FAM13B: variants seen among roughly 807,000 people sequenced by gnomAD.
The protein encoded by FAM13B is family with sequence similarity 13 member B.
A neutral mutation model predicts 117.3 loss-of-function variants in FAM13B; 60 were observed. That is an observed-to-expected ratio of 0.51 (90% CI 0.42 to 0.63). The LOEUF (loss-of-function observed/expected upper bound fraction) is 0.63, where lower values mean the gene tolerates loss of function less well. Ranked by LOEUF, FAM13B falls within the 30% of genes least tolerant of loss-of-function variation. The pLI is 0.00. For synonymous variants in FAM13B, 332 were observed against 356.1 expected (o/e 0.93, Z 0.76); for missense variants, 972 against 1,091.9 (o/e 0.89, Z 1.55).
intron 10 of FAM13B, among the ~76,000 whole-genome samples, chr5:137,968,455 A>G (rs967282631): frequency 1.3e-5 from 2 of 151,896 alleles, no homozygotes; most frequent in Admixed American, 6.6e-5. Flanking sequence ...AAAAAAAAAA[A>G]AAATTCTTAA....
chr5:138,036,318 C>G (rs1000699520), upstream of FAM13B: 1 of 446,150 alleles, frequency 2.2e-6, no homozygotes, highest in Non-Finnish European at 4.5e-6. Context: ...CTAGTGACAG[C>G]TCTGTATGGC....
intron 15 of FAM13B, 42 bp downstream of exon 15, chr5:137,954,124 A>G (rs1765770499): frequency 6.3e-6 from 9 of 1,438,158 alleles, no homozygotes; most frequent in East Asian, 4.6e-5. Flanking sequence ...ACTTGGGTAC[A>G]TAATAGGAAT....
chr5:137,986,997 CA>C (rs1191521133), intron 9 of FAM13B, among the ~76,000 whole-genome samples: 2 of 152,094 alleles, frequency 1.3e-5, no homozygotes, highest in Admixed American at 6.6e-5. Context: ...AAAACATAAG[CA>C]GGGGAGAGGC....
At chr5:137,962,533 A>C in intron 10 of FAM13B, 64 bp from the exon 11 acceptor site, 1 of 1,451,354 alleles carries the variant, frequency 6.9e-7, no homozygotes, top group South Asian at 1.2e-5. Context: ...AGAAGTTGCC[A>C]ATCTAAATTA....
intron 7 of FAM13B, among the ~76,000 whole-genome samples, chr5:137,992,309 AAAG>A (rs1778803644): frequency 6.6e-6 from 1 of 151,552 alleles, no homozygotes; most frequent in South Asian, 2.1e-4. Context: ...GAAAAAAAAA[AAAG>A]GCCAGGTGCA....
Position 137,956,534 on chromosome 5 carries a change from G to A in FAM13B, c.1450C>T (p.Pro484Ser). 3 of 1,593,096 alleles carry A rather than the reference G, an allele frequency of 1.9e-6. No homozygotes were observed. Among genetic ancestry groups the A allele is most frequent in the South Asian group, 1.1e-5 (1 of 86,994 alleles). Reference protein sequence around the residue: ...SDGDKWEASCPITFPLIDFKT... With the variant: ...SDGDKWEASCSITFPLIDFKT... ...AAATCAATGAGGGGAAAAGTGATAGGGCATGACGCTAATAAAATGGAAAAA... is the reference window on the plus strand; with the variant it reads ...AAATCAATGAGGGGAAAAGTGATAGAGCATGACGCTAATAAAATGGAAAAA... The change falls in exon 14 of 24, where the codon CCT becomes TCT. Residue 484 changes from proline (P) to serine (S), a missense_variant. Physicochemically the swap from Pro to Ser is moderately conservative, Grantham distance 74. Coordinates refer to ENST00000689681, the MANE Select transcript of FAM13B (RefSeq NM_001385994.1).
rs1288339874 is a variant in FAM13B at position 137,943,296 on chromosome 5, G to A, written c.2341-80C>T. ...GTGAAGCTTCCCTTCATTATGTTAC[G>A]AATCTTCAACTTTATTTTCAAAATC... On this transcript the variant is annotated intron_variant, in intron 20 of 23. Transcript: ENST00000689681. 7.3e-6 allele frequency: 8 copies of A among 1,089,972 alleles called. No individual in the cohort carries two copies. In the East Asian group the frequency reaches 7.3e-5, roughly 10 times the overall value. 67.5% of individuals were successfully genotyped at this position (1,089,972 alleles called of 1,614,324 possible). A position where few individuals can be genotyped will look rare whatever the true frequency, so the allele number is the denominator to read the frequency against.
intron 10 of FAM13B, among the ~76,000 whole-genome samples, chr5:137,971,775 G>C (rs1196619994): frequency 6.7e-6 from 1 of 148,620 alleles, no homozygotes; most frequent in Admixed American, 6.7e-5. Context: ...AATGATAAAG[G>C]GGATATCACC....
intron 10 of FAM13B, among the ~76,000 whole-genome samples, chr5:137,977,360 T>A (rs1484696814): frequency 6.6e-6 from 1 of 152,162 alleles, no homozygotes; most frequent in Admixed American, 6.5e-5. Flanking sequence ...CTTGTGATAT[T>A]CTATTACCTT....
Position 137,949,005 on chromosome 5 carries a change from T to C in FAM13B, c.2110A>G (p.Lys704Glu), listed in dbSNP as rs1764183763. 6.2e-7 allele frequency: 1 copy of C among 1,614,012 alleles called. No homozygotes were observed. The highest frequency in any genetic ancestry group is 8.5e-7 in the Non-Finnish European group (1 of 1,180,020). The change falls in exon 18 of 24, where the codon AAA (lysine) becomes GAA (glutamate). Residue 704 changes from lysine to glutamate, a missense_variant. Lys to Glu is a moderately conservative substitution (Grantham distance 56). Transcript: ENST00000689681. The stretch of plus-strand genomic sequence containing the variant: ...TCAATACGTTTTTCTTTCAGTCTTT[T>C]AAGAATAAGTTCAAGGGTTGCTTCT... Reference protein sequence around the residue: ...SKEATLELILKRLKEKRIERC... With the variant: ...SKEATLELILERLKEKRIERC...
chr5:137,981,576 A>G (rs1340668023), intron 10 of FAM13B, among the ~76,000 whole-genome samples: 2 of 152,206 alleles, frequency 1.3e-5, no homozygotes, highest in Non-Finnish European at 2.9e-5. Context: ...ACTTGAGGTC[A>G]GGAGTTTGAG....
At chr5:137,984,634 CT>C (rs5871659) in intron 10 of FAM13B, among the ~76,000 whole-genome samples, 110,003 of 151,972 alleles carry the variant, frequency 0.72, 40,765 homozygotes, top group East Asian at 0.97. Context: ...ATGTTCTCCC[CT>C]ATACCATGTT....
At chr5:138,003,884 C>T (rs1050185281) in intron 7 of FAM13B, among the ~76,000 whole-genome samples, 3 of 152,164 alleles carry the variant, frequency 2.0e-5, no homozygotes, top group Non-Finnish European at 4.4e-5. Context: ...CTTTGCATTT[C>T]GATTTGACTG....
intron 8 of FAM13B, 150 bp downstream of exon 8, chr5:137,988,124 A>T: frequency 2.1e-6 from 1 of 474,062 alleles, no homozygotes; most frequent in Non-Finnish European, 3.7e-6. Context: ...TTTCTTCTTC[A>T]TTTGTTCCTA....
chr5:137,964,504 T>C (rs933012050), intron 10 of FAM13B, among the ~76,000 whole-genome samples: 1 of 151,090 alleles, frequency 6.6e-6, no homozygotes, highest in Admixed American at 6.6e-5. Context: ...GCAAATCACT[T>C]GAGATCAGGA....
At chr5:137,996,255 C>G (rs552513863) in intron 7 of FAM13B, among the ~76,000 whole-genome samples, 1 of 152,298 alleles carries the variant, frequency 6.6e-6, no homozygotes, top group East Asian at 1.9e-4. Flanking sequence ...CCTGCCTCAG[C>G]CTCCCGAACA....
chr5:137,997,054 C>T (rs1411919681), intron 7 of FAM13B, among the ~76,000 whole-genome samples: 1 of 152,114 alleles, frequency 6.6e-6, no homozygotes, highest in African/African-American at 2.4e-5. Context: ...TTTCCCAATA[C>T]AACACAGGAA....
chr5:137,961,196 A>C (rs1440756659), intron 11 of FAM13B, among the ~76,000 whole-genome samples: 2 of 152,180 alleles, frequency 1.3e-5, no homozygotes, highest in Non-Finnish European at 2.9e-5. Flanking sequence ...CCTACATTTG[A>C]GAAGCATGAA....
At position 137,940,001 on chromosome 5, in the gene FAM13B, G is replaced by A. The variant is rs1761161828; in HGVS notation, c.*224C>T. ...GAAGTAAACCATATGTTTGCTAAAG[G>A]TGGAGAGGACAGTCTGTGGTTAATA... is the stretch of plus-strand genomic sequence containing the variant. On this transcript the variant is annotated 3_prime_UTR_variant, in exon 24 of 24. Transcript: ENST00000689681. 6.3e-7 allele frequency: 1 copy of A among 1,594,232 alleles called. No homozygotes were observed. The highest frequency in any genetic ancestry group is 8.5e-7 in the Non-Finnish European group (1 of 1,170,172).
Sources: gnomAD v4.1 joint callset for allele counts (sites outside exome capture counted in the v4.1 genomes callset) on GRCh38, gnomAD v4.1.1 for gene constraint, MANE v1.5 for transcripts, NCBI Gene and HGNC (gene_info 2026-07-23, HGNC 2026-07-21) for gene names.